The following STRN variants were observed in gnomAD, a reference collection of about 807,000 sequenced individuals.
The protein encoded by STRN is protein phosphatase 2 regulatory subunit B'''alpha.
In STRN, 53 loss-of-function variants were observed where a neutral mutation model predicts 96.3. The ratio of observed to expected loss-of-function variants is 0.55; its 90% CI spans 0.44 to 0.69. STRN has a LOEUF of 0.69. Among genes scored for constraint, STRN ranks in the 30% least tolerant of loss-of-function variants. The probability of loss-of-function intolerance (pLI) is 0.00; values close to 1 mark genes in which losing one functional copy is unlikely to be tolerated. For missense variants in STRN, 987 were observed against 963.9 expected, an observed-to-expected ratio of 1.02 and a Z score of -0.32; for synonymous variants, 428 against 355.9, an observed-to-expected ratio of 1.20 and a Z score of -2.28.
At chr2:36,929,060 A>G (rs1670499149) in intron 1 of STRN, among the ~76,000 whole-genome samples, 1 of 152,186 alleles carries the variant, frequency 6.6e-6, no homozygotes, top group Non-Finnish European at 1.5e-5. Flanking sequence ...TCTGGAGAAG[A>G]AAACTTTGGA....
At chr2:36,961,239 A>T (rs1665023978) in intron 1 of STRN, among the ~76,000 whole-genome samples, 1 of 141,314 alleles carries the variant, frequency 7.1e-6, no homozygotes, top group African/African-American at 2.7e-5. Flanking sequence ...CAATCCTCCC[A>T]CCTCAGCCTC....
intron 16 of STRN, among the ~76,000 whole-genome samples, chr2:36,850,353 T>C (rs1219917874): frequency 1.3e-5 from 2 of 152,182 alleles, no homozygotes; most frequent in African/African-American, 2.4e-5. Flanking sequence ...GCAGCTAATA[T>C]AGGGTGCTTT....
chr2:36,917,319 T>G (rs1670130511), intron 2 of STRN, among the ~76,000 whole-genome samples: 1 of 151,490 alleles, frequency 6.6e-6, no homozygotes, highest in East Asian at 1.9e-4. Context: ...GTCAGGAGTT[T>G]GAGATCAGCC....
At chr2:36,868,350 A>G (rs1347337818) in intron 11 of STRN, among the ~76,000 whole-genome samples, 1 of 152,240 alleles carries the variant, frequency 6.6e-6, no homozygotes, top group Non-Finnish European at 1.5e-5. Flanking sequence ...GTAGGATATC[A>G]GCAAATGGTA....
intron 1 of STRN, among the ~76,000 whole-genome samples, chr2:36,928,760 T>C (rs1229376418): frequency 6.6e-6 from 1 of 150,620 alleles, no homozygotes; most frequent in African/African-American, 2.4e-5. Flanking sequence ...CTGACCAAGA[T>C]GGTGAAACCC....
chr2:36,878,153 AC>A lies in STRN; in HGVS notation c.1187-127del. 3.8e-6 allele frequency: 4 copies of A among 1,058,594 alleles called. No homozygotes were observed. The South Asian group carries it at 7.1e-5, about 19-fold the overall frequency. 65.6% of individuals were successfully genotyped at this position (1,058,594 alleles called of 1,614,324 possible). On this transcript the variant is annotated intron_variant, in intron 9 of 17. Transcript: ENST00000263918. ...TAATTGTTTTTAAATGCTTTTAAAC[AC>A]AATAAAATTCAGTGAGCAGAAAATC...
At chr2:36,939,177 C>T (rs371596376) in intron 1 of STRN, among the ~76,000 whole-genome samples, 2 of 152,080 alleles carry the variant, frequency 1.3e-5, no homozygotes, top group Admixed American at 6.5e-5. Flanking sequence ...GTGATCCGCC[C>T]GCCTCGGCCT....
At chr2:36,962,674 A>G (rs1665057522) in intron 1 of STRN, among the ~76,000 whole-genome samples, 2 of 152,064 alleles carry the variant, frequency 1.3e-5, no homozygotes, top group Non-Finnish European at 2.9e-5. Context: ...ATGCTCAGCT[A>G]ATTTTTGTAT....
chr2:36,925,666 G>C (rs573703752), intron 1 of STRN, among the ~76,000 whole-genome samples: 1 of 152,094 alleles, frequency 6.6e-6, no homozygotes, highest in South Asian at 2.1e-4. Context: ...CCAGCTACTC[G>C]GGAGGCTTAG....
chr2:36,921,861 T>G (rs189350356), intron 2 of STRN, among the ~76,000 whole-genome samples: 1 of 152,292 alleles, frequency 6.6e-6, no homozygotes, highest in Admixed American at 6.5e-5. Flanking sequence ...GCTTAAAACT[T>G]TCAAGTGCTT....
chr2:36,883,745 A>G (rs1330417529), intron 9 of STRN, among the ~76,000 whole-genome samples, 187 bp downstream of exon 9: 2 of 152,182 alleles, frequency 1.3e-5, no homozygotes, highest in Non-Finnish European at 2.9e-5. Flanking sequence ...GCACCTTCTC[A>G]AGTCTTGAAG....
chr2:36,861,759 ACACACT>A (rs2148138314), intron 12 of STRN, among the ~76,000 whole-genome samples: 1 of 116,258 alleles, frequency 8.6e-6, no homozygotes, highest in East Asian at 2.8e-4. Context: ...ACACACACAC[ACACACT>A]TCTCACAAAA....
Position 36,849,268 on chromosome 2 carries a change from C to T in STRN, c.*188G>A. The T allele has an allele frequency of 1.5e-6, 1 of 645,262 alleles. No homozygotes were observed. The highest frequency in any genetic ancestry group is 2.5e-6 in the Non-Finnish European group (1 of 397,320). The allele number at this position is 645,262 out of a possible 1,614,324, so 40.0% of individuals were successfully genotyped here. ...CTCACAGATTCAGCTGAGCTTGCAG[C>T]AACCTGAACAAACCTTAGTTTTAGA... On this transcript the variant is annotated 3_prime_UTR_variant, in exon 18 of 18. Transcript: ENST00000263918.
At chr2:36,882,159 T>TA (rs1225525053) in intron 9 of STRN, among the ~76,000 whole-genome samples, 1 of 152,062 alleles carries the variant, frequency 6.6e-6, no homozygotes, top group Non-Finnish European at 1.5e-5. Context: ...ATCATATCAG[T>TA]TTATGTCTCT....
At chr2:36,870,372 T>C (rs2148151019) in intron 10 of STRN, among the ~76,000 whole-genome samples, 1 of 152,208 alleles carries the variant, frequency 6.6e-6, no homozygotes, top group African/African-American at 2.4e-5. Context: ...ATATTTGATT[T>C]TACACTAGCA....
intron 1 of STRN, among the ~76,000 whole-genome samples, chr2:36,948,477 T>A (rs1664664069): frequency 1.3e-5 from 2 of 152,174 alleles, no homozygotes; most frequent in Non-Finnish European, 1.5e-5. Flanking sequence ...AAATTTGGAC[T>A]TCAATGTTAA....
intron 1 of STRN, among the ~76,000 whole-genome samples, chr2:36,956,801 T>C (rs1276472851): frequency 1.3e-5 from 2 of 152,228 alleles, no homozygotes; most frequent in African/African-American, 2.4e-5. Context: ...GTGCTGTCTG[T>C]CAACATTATT....
At chr2:36,887,021 T>C (rs1669250028) in intron 7 of STRN, among the ~76,000 whole-genome samples, 195 bp from the exon 8 acceptor site, 1 of 150,554 alleles carries the variant, frequency 6.6e-6, no homozygotes, top group African/African-American at 2.4e-5. Context: ...TGCAATTTCC[T>C]AGAATCAGTT....
intron 14 of STRN, among the ~76,000 whole-genome samples, chr2:36,856,025 C>T (rs765572303): frequency 6.6e-6 from 1 of 152,032 alleles, no homozygotes; most frequent in Admixed American, 6.6e-5. Flanking sequence ...GTGCATACTG[C>T]AGAAGAAGAT....
Sources: gnomAD v4.1 joint callset for allele counts (sites outside exome capture counted in the v4.1 genomes callset) on GRCh38, gnomAD v4.1.1 for gene constraint, MANE v1.5 for transcripts, NCBI Gene and HGNC (gene_info 2026-07-23, HGNC 2026-07-21) for gene names.